HHLA2: variants seen among roughly 807,000 people sequenced by gnomAD.
HHLA2 encodes HHLA2 member of B7 family.
A neutral mutation model predicts 45.9 loss-of-function variants in HHLA2; 48 were observed. The observed-to-expected ratio is 1.05, with a 90% CI of 0.83 to 1.33. The LOEUF (loss-of-function observed/expected upper bound fraction) is 1.33, where lower values mean the gene tolerates loss of function less well. HHLA2 is among the 40% of genes most tolerant of loss of function. HHLA2 has a pLI of 0.00. For missense variants in HHLA2, 462 were observed against 494.3 expected (o/e 0.93, Z 0.62); for synonymous variants, 161 against 173.9 (o/e 0.93, Z 0.59).
intron 1 of HHLA2, among the ~76,000 whole-genome samples, chr3:108,303,406 C>G (rs1235641989): frequency 6.6e-6 from 1 of 152,130 alleles, no homozygotes; most frequent in Non-Finnish European, 1.5e-5. Flanking sequence ...CACTTCTGTA[C>G]TTTGCTAGCT....
At chr3:108,312,567 G>A (rs1353495638) in intron 2 of HHLA2, among the ~76,000 whole-genome samples, 3 of 152,112 alleles carry the variant, frequency 2.0e-5, no homozygotes, top group African/African-American at 7.2e-5. Flanking sequence ...GTTTCCCCGG[G>A]GGTGGCCCAT....
At chr3:108,368,247 C>A (rs1485509636) in intron 8 of HHLA2, among the ~76,000 whole-genome samples, 1 of 151,636 alleles carries the variant, frequency 6.6e-6, no homozygotes, top group African/African-American at 2.4e-5. Context: ...CCAGCCACTG[C>A]AAAAAAACAC....
At chr3:108,308,782 A>C (rs1413557956) in intron 1 of HHLA2, among the ~76,000 whole-genome samples, 1 of 152,128 alleles carries the variant, frequency 6.6e-6, no homozygotes, top group Non-Finnish European at 1.5e-5. Flanking sequence ...ACCTTTTCGT[A>C]TGCCTGTTTG....
intron 1 of HHLA2, among the ~76,000 whole-genome samples, chr3:108,306,837 A>C (rs1205922421): frequency 6.6e-6 from 1 of 151,906 alleles, no homozygotes; most frequent in African/African-American, 2.4e-5. Flanking sequence ...TTCCACTGTT[A>C]TATTTTCCTG....
At chr3:108,301,881 G>A (rs1240036831) in intron 1 of HHLA2, among the ~76,000 whole-genome samples, 2 of 152,030 alleles carry the variant, frequency 1.3e-5, no homozygotes, top group Non-Finnish European at 2.9e-5. Context: ...CGAGTGACTC[G>A]AGTGACTCGC....
At chr3:108,321,535 A>G (rs2081202461) in intron 2 of HHLA2, among the ~76,000 whole-genome samples, 1 of 152,084 alleles carries the variant, frequency 6.6e-6, no homozygotes, top group African/African-American at 2.4e-5. Flanking sequence ...TGAAGCCACT[A>G]TGATTCCTGG....
chr3:108,321,219 T>G (rs891534152), intron 2 of HHLA2, among the ~76,000 whole-genome samples: 25 of 152,016 alleles, frequency 1.6e-4, no homozygotes, highest in South Asian at 2.1e-4. Flanking sequence ...TTTTGGAATG[T>G]CTGTTCACCA....
At chr3:108,324,628 T>C (rs979628413) in intron 2 of HHLA2, among the ~76,000 whole-genome samples, 3 of 152,224 alleles carry the variant, frequency 2.0e-5, no homozygotes, top group African/African-American at 4.8e-5. Flanking sequence ...ATGGTAATCC[T>C]GTCCTTGCTT....
chr3:108,314,671 T>A (rs1245234051), intron 2 of HHLA2, among the ~76,000 whole-genome samples: 1 of 152,188 alleles, frequency 6.6e-6, no homozygotes, highest in Non-Finnish European at 1.5e-5. Context: ...TGTGTACCTA[T>A]TATAGAGCCA....
chr3:108,370,619 G>C (rs962460501), intron 8 of HHLA2, among the ~76,000 whole-genome samples: 1 of 152,138 alleles, frequency 6.6e-6, no homozygotes, highest in African/African-American at 2.4e-5. Flanking sequence ...AACCAATGCA[G>C]AGCAGTCCTT....
At chr3:108,327,618 C>A (rs926124070) in intron 2 of HHLA2, among the ~76,000 whole-genome samples, 3 of 152,088 alleles carry the variant, frequency 2.0e-5, no homozygotes, top group African/African-American at 7.2e-5. Context: ...ACTTATTTCC[C>A]AGTTCTTGTA....
At chr3:108,372,705 C>G (rs186672773) in intron 8 of HHLA2, among the ~76,000 whole-genome samples, 1 of 152,164 alleles carries the variant, frequency 6.6e-6, no homozygotes, top group Non-Finnish European at 1.5e-5. Context: ...AACACCTCTA[C>G]GTGAATAAAC....
chr3:108,339,967 G>A (rs2081537221), intron 3 of HHLA2, among the ~76,000 whole-genome samples: 1 of 152,202 alleles, frequency 6.6e-6, no homozygotes, highest in Non-Finnish European at 1.5e-5. Context: ...TGAGCATGGA[G>A]TGAGGAGTGG....
chr3:108,369,185 G>A (rs1250852406), intron 8 of HHLA2, among the ~76,000 whole-genome samples: 3 of 152,144 alleles, frequency 2.0e-5, no homozygotes, highest in Non-Finnish European at 2.9e-5. Flanking sequence ...TGAGAATGAA[G>A]ACACAACGTA....
chr3:108,348,725 T>C (rs2081716469), intron 3 of HHLA2, among the ~76,000 whole-genome samples: 1 of 151,950 alleles, frequency 6.6e-6, no homozygotes, highest in Non-Finnish European at 1.5e-5. Context: ...GGTATACAGG[T>C]GCCCTGGTGG....
At chr3:108,371,792 T>A (rs2082178756) in intron 8 of HHLA2, among the ~76,000 whole-genome samples, 1 of 152,206 alleles carries the variant, frequency 6.6e-6, no homozygotes, top group African/African-American at 2.4e-5. Context: ...TAAACATATA[T>A]GCACCCAATA....
intron 1 of HHLA2, among the ~76,000 whole-genome samples, chr3:108,307,406 C>T (rs756694205): frequency 5.9e-5 from 9 of 151,780 alleles, no homozygotes; most frequent in Admixed American, 2.6e-4. Flanking sequence ...GAGGCCGAGG[C>T]GGGTGGATCA....
At chr3:108,337,518 T>G (rs1223998644) in intron 3 of HHLA2, among the ~76,000 whole-genome samples, 1 of 152,162 alleles carries the variant, frequency 6.6e-6, no homozygotes, top group East Asian at 1.9e-4. Flanking sequence ...TATGTGTTTG[T>G]ACCGTCAAAG....
At chr3:108,319,055 C>T (rs958140516) in intron 2 of HHLA2, among the ~76,000 whole-genome samples, 10 of 152,254 alleles carry the variant, frequency 6.6e-5, no homozygotes, top group Admixed American at 2.0e-4. Context: ...TTCTCTGTTC[C>T]TTCTCTCTTC....
Sources: gnomAD v4.1 joint callset for allele counts (sites outside exome capture counted in the v4.1 genomes callset) on GRCh38, gnomAD v4.1.1 for gene constraint, MANE v1.5 for transcripts, NCBI Gene and HGNC (gene_info 2026-07-23, HGNC 2026-07-21) for gene names.